Variants in TP63 observed in about 807,000 individuals in gnomAD.
TP63 encodes the protein tumor protein 63.
Under a neutral mutation model 82.8 loss-of-function variants are expected in TP63, and 17 were observed. That is an observed-to-expected ratio of 0.21 (90% CI 0.14 to 0.31). TP63 has a LOEUF of 0.31. Among genes scored for constraint, TP63 ranks in the 10% least tolerant of loss-of-function variants. The pLI, the probability that TP63 is intolerant of heterozygous loss-of-function variation, is 1.00. For missense variants in TP63, 648 were observed against 895.3 expected (o/e 0.72, Z 3.52); for synonymous variants, 330 against 321.7 (o/e 1.03, Z -0.28).
intron 3 of TP63, among the ~76,000 whole-genome samples, chr3:189,745,612 TAGG>T (rs934151417): frequency 1.7e-4 from 24 of 140,226 alleles, no homozygotes; most frequent in African/African-American, 6.2e-4. Flanking sequence ...GAGGCTGAGA[TAGG>T]AGAATCGCTT....
chr3:189,716,311 A>G (rs1170814543), intron 1 of TP63, among the ~76,000 whole-genome samples: 1 of 152,222 alleles, frequency 6.6e-6, no homozygotes, highest in Admixed American at 6.5e-5. Flanking sequence ...CCCAGGGGAT[A>G]GCATATTTGT....
chr3:189,820,757 A>G (rs749064573), intron 4 of TP63, among the ~76,000 whole-genome samples: 70 of 152,376 alleles, frequency 4.6e-4, no homozygotes, highest in Non-Finnish European at 8.7e-4. Flanking sequence ...ACCCAAACCA[A>G]TTCAAATAGC....
At chr3:189,765,787 AGC>A (rs1722920637) in intron 3 of TP63, among the ~76,000 whole-genome samples, 1 of 152,066 alleles carries the variant, frequency 6.6e-6, no homozygotes, top group Non-Finnish European at 1.5e-5. Context: ...CTGGCCTAGG[AGC>A]CAGGAGCCTT....
intron 1 of TP63, among the ~76,000 whole-genome samples, chr3:189,724,081 ACC>A (rs548193210): frequency 3.3e-3 from 494 of 148,628 alleles, no homozygotes; most frequent in African/African-American, 0.012. Context: ...ATTGCAATAT[ACC>A]AGAAAGAATA....
the TP63 span, among the ~76,000 whole-genome samples, chr3:189,606,949 C>A: frequency 6.6e-6 from 1 of 152,176 alleles, no homozygotes; most frequent in South Asian, 2.1e-4. Context: ...ACTATGACTT[C>A]TGTCATGCCA....
chr3:189,827,815 A>G (rs780869554), intron 4 of TP63, among the ~76,000 whole-genome samples: 7 of 152,214 alleles, frequency 4.6e-5, no homozygotes, highest in South Asian at 2.1e-4. Flanking sequence ...GCAAGTGTTA[A>G]GAAAACATGG....
At chr3:189,670,096 T>G (rs1210537920) in intron 1 of TP63, among the ~76,000 whole-genome samples, 4 of 151,938 alleles carry the variant, frequency 2.6e-5, no homozygotes, top group Non-Finnish European at 5.9e-5. Flanking sequence ...AATAGATACT[T>G]GATAATTGTA....
At chr3:189,671,837 T>A (rs1920280) in intron 1 of TP63, among the ~76,000 whole-genome samples, 1 of 151,880 alleles carries the variant, frequency 6.6e-6, no homozygotes, top group Non-Finnish European at 1.5e-5. Context: ...GGGCTAAAAA[T>A]ATTGAGTTAA....
In TP63 at chr3:189,788,405, G is replaced by T. The variant is rs549724544; in HGVS notation, c.325-19867G>T. On this transcript the variant is annotated intron_variant, in intron 3 of 13. Coordinates refer to ENST00000264731, the MANE Select transcript of TP63 (RefSeq NM_003722.5). ...GTAAAGGGGAGGCAAATCCGAAGTC[G>T]TGAACGTATTTGCAAACTTTGTTTC... 1.2e-3 allele frequency among the ~76,000 whole-genome samples: 183 copies of T among 152,124 alleles called. 1 individual carries two copies. The highest frequency in any genetic ancestry group is 2.6e-3 in the Admixed American group (40 of 15,246).
intron 3 of TP63, among the ~76,000 whole-genome samples, chr3:189,762,699 T>C (rs114878818): frequency 0.011 from 1,633 of 152,314 alleles, 35 homozygotes; most frequent in African/African-American, 0.036. Context: ...AGAACTAAAA[T>C]GTCAAGCTTG....
intron 3 of TP63, among the ~76,000 whole-genome samples, chr3:189,770,213 T>A (rs941738312): frequency 1.3e-5 from 2 of 152,188 alleles, no homozygotes; most frequent in Admixed American, 6.5e-5. Flanking sequence ...ATCCTTATCA[T>A]TGGGGCACCA....
chr3:189,831,673 C>T (rs1053681912), intron 4 of TP63, among the ~76,000 whole-genome samples: 1 of 151,764 alleles, frequency 6.6e-6, no homozygotes, highest in South Asian at 2.1e-4. Flanking sequence ...AGCTCCTACC[C>T]TTCCTAATCT....
chr3:189,739,944 T>C (rs753187912), intron 3 of TP63, among the ~76,000 whole-genome samples: 1 of 152,134 alleles, frequency 6.6e-6, no homozygotes, highest in Non-Finnish European at 1.5e-5. Flanking sequence ...CCTTACCTTG[T>C]TTGATATGTT....
intron 1 of TP63, among the ~76,000 whole-genome samples, chr3:189,678,261 T>G (rs1206975077): frequency 1.3e-5 from 2 of 152,156 alleles, no homozygotes; most frequent in African/African-American, 4.8e-5. Context: ...CTTGAGTTAA[T>G]TTTTGCATAT....
At chr3:189,817,253 A>G (rs192624551) in intron 4 of TP63, among the ~76,000 whole-genome samples, 2 of 152,284 alleles carry the variant, frequency 1.3e-5, no homozygotes, top group East Asian at 1.9e-4. Flanking sequence ...ATTTCTAAAG[A>G]CTTTTCCTTT....
chr3:189,880,953 C>T, intron 10 of TP63: 2 of 985,290 alleles, frequency 2.0e-6, no homozygotes, highest in Non-Finnish European at 2.4e-6. Flanking sequence ...TTGTTTGGCC[C>T]CCATAGCAGG....
chr3:189,730,177 G>A (rs1192803721), intron 1 of TP63, among the ~76,000 whole-genome samples: 2 of 152,196 alleles, frequency 1.3e-5, no homozygotes, highest in African/African-American at 2.4e-5. Context: ...TCTAAGGGTT[G>A]AGGATACTTC....
chr3:189,785,477 T>G (rs1485774149), intron 3 of TP63, among the ~76,000 whole-genome samples: 1 of 152,096 alleles, frequency 6.6e-6, no homozygotes, highest in Non-Finnish European at 1.5e-5. Flanking sequence ...TGCTTTTATT[T>G]ATATTCATAT....
chr3:189,609,781 T>C, the TP63 span, among the ~76,000 whole-genome samples: 1 of 152,220 alleles, frequency 6.6e-6, no homozygotes, highest in Non-Finnish European at 1.5e-5. Context: ...CAACCTCTCA[T>C]TGATGGGCAT....
Sources: gnomAD v4.1 joint callset for allele counts (sites outside exome capture counted in the v4.1 genomes callset) on GRCh38, gnomAD v4.1.1 for gene constraint, MANE v1.5 for transcripts, NCBI Gene and HGNC (gene_info 2026-07-23, HGNC 2026-07-21) for gene names.